Variants in SCN7A observed in about 807,000 individuals in gnomAD.
SCN7A encodes the protein sodium voltage-gated channel alpha subunit 7, also known as sodium channel protein type 7 subunit alpha.
In SCN7A, 138 loss-of-function variants were observed where a neutral mutation model predicts 155.2. The ratio of observed to expected loss-of-function variants is 0.89; its 90% CI spans 0.77 to 1.02. The LOEUF (loss-of-function observed/expected upper bound fraction) is 1.02. SCN7A is among the 50% of genes least tolerant of loss of function. The pLI, the probability that SCN7A is intolerant of heterozygous loss-of-function variation, is 0.00. For synonymous variants in SCN7A, 693 were observed against 649.0 expected (o/e 1.07, Z -1.03); for missense variants, 2,058 against 1,986.6 (o/e 1.04, Z -0.68).
In SCN7A at chr2:166,406,212, T is replaced by C. The variant is rs1331212016; in HGVS notation, c.4417A>G (p.Ile1473Val). 2 of 1,613,040 alleles carry C rather than the reference T, an allele frequency of 1.2e-6. No homozygotes were observed. The highest frequency in any genetic ancestry group is 1.7e-6 in the Non-Finnish European group (2 of 1,179,482). The change falls in exon 26 of 26, where the codon ATT (isoleucine) becomes GTT (valine). Residue 1473 changes from isoleucine (I) to valine (V), a missense_variant. By Grantham distance (29) the Ile-to-Val change is conservative. Transcript: ENST00000643258. ...RGDCGNPSVGIFYFVSYILIS... is the reference protein window; with the variant it reads ...RGDCGNPSVGVFYFVSYILIS... ...AGGATATAACTGACAAAATAAAAAATCCCAACAGAGGGGTTCCCACAATCT... is the reference window on the plus strand; with the variant it reads ...AGGATATAACTGACAAAATAAAAAACCCCAACAGAGGGGTTCCCACAATCT...
At chr2:166,439,066 T>G (rs1002130496) in intron 15 of SCN7A, among the ~76,000 whole-genome samples, 3 of 146,420 alleles carry the variant, frequency 2.0e-5, no homozygotes, top group Non-Finnish European at 4.5e-5. Flanking sequence ...TATATATATA[T>G]ATATATATAT....
Position 166,427,846 on chromosome 2 carries a change from T to G in SCN7A, c.2795A>C (p.Glu932Ala), listed in dbSNP as rs184973523. 1.8e-4 allele frequency: 295 copies of G among 1,612,442 alleles called. 2 individuals are homozygous for G. The highest frequency in any genetic ancestry group is 1.3e-3 in the Middle Eastern group (8 of 6,054). ...AATAAAACACTTAAACCAATTGTTCTCTACAATCTTGCAGCAGGTTTTCCT... is the reference window on the plus strand; with the variant it reads ...AATAAAACACTTAAACCAATTGTTCGCTACAATCTTGCAGCAGGTTTTCCT... ...NIRKTCCKIV[E>A]NNWFKCFIGL... is the part of the protein sequence containing the mutation. The change falls in exon 18 of 26, where the codon GAG becomes GCG. Residue 932 changes from glutamate to alanine, a missense_variant. Glu to Ala is a moderately radical substitution (Grantham distance 107). Coordinates refer to ENST00000643258, the MANE Select transcript of SCN7A (RefSeq NM_002976.4).
intron 10 of SCN7A, 52 bp downstream of exon 10, chr2:166,462,337 G>C: frequency 6.7e-7 from 1 of 1,501,916 alleles, no homozygotes; most frequent in South Asian, 1.3e-5. Context: ...TATCTTAGAA[G>C]CAAGGGCATG....
Position 166,432,571 on chromosome 2 carries a change from T to A in SCN7A, c.2339A>T (p.His780Leu). The A allele has an allele frequency of 2.5e-6, 4 of 1,613,416 alleles. No individual in the cohort carries two copies. Among genetic ancestry groups the A allele is most frequent in the Non-Finnish European group, 3.4e-6 (4 of 1,179,584 alleles). Residue 780 changes from histidine (H) to leucine (L), a missense_variant, in exon 16 of 26, where the codon CAT becomes CTT. By Grantham distance (99) the His-to-Leu change is moderately conservative. Transcript: ENST00000643258. ...TQNVPKDTMD[H>L]VNEVYVKEDI... ...TTCTTTAACATATACCTCATTTACA[T>A]GGTCCATTGTGTCCTTTGGGACATT...
intron 10 of SCN7A, among the ~76,000 whole-genome samples, chr2:166,457,746 A>C (rs1014545717): frequency 6.6e-6 from 1 of 152,226 alleles, no homozygotes; most frequent in African/African-American, 2.4e-5. Context: ...TTATTTCATA[A>C]TAATTTCCTA....
intron 15 of SCN7A, among the ~76,000 whole-genome samples, chr2:166,437,072 G>T (rs1701854972): frequency 6.6e-6 from 1 of 152,184 alleles, no homozygotes; most frequent in Non-Finnish European, 1.5e-5. Flanking sequence ...AAGGCAATGG[G>T]GATAATGTCT....
intron 1 of SCN7A, among the ~76,000 whole-genome samples, chr2:166,491,525 C>T (rs1683104475): frequency 1.3e-5 from 2 of 152,156 alleles, no homozygotes; most frequent in African/African-American, 4.8e-5. Flanking sequence ...AAGAGATATG[C>T]ACCAACTCAA....
rs764396163 is a variant in SCN7A, at chr2:166,406,443, C to T, written c.4186G>A (p.Val1396Ile). 3.7e-5 allele frequency: 59 copies of T among 1,612,864 alleles called. No individual in the cohort carries two copies. Among genetic ancestry groups the T allele is most frequent in the African/African-American group, 2.4e-4 (18 of 74,904 alleles). Residue 1396 changes from valine (V) to isoleucine (I), a missense_variant, in exon 26 of 26, where the codon GTA becomes ATA. Coordinates refer to ENST00000643258, the MANE Select transcript of SCN7A (RefSeq NM_002976.4). ...TAGGCAAAATTATACATTCCAAATA[C>T]GGCATAGATGAACATGACCAGGAAG... ...LIFLVMFIYAVFGMYNFAYVK... is the reference protein window; with the variant it reads ...LIFLVMFIYAIFGMYNFAYVK...
intron 20 of SCN7A, among the ~76,000 whole-genome samples, chr2:166,418,948 G>A (rs886249356): frequency 2.0e-5 from 3 of 152,108 alleles, no homozygotes; most frequent in African/African-American, 7.2e-5. Flanking sequence ...GTCTGAACCT[G>A]ACTTTGACCT....
At position 166,444,338 on chromosome 2, in the gene SCN7A, T is replaced by C. The variant is rs566973469; in HGVS notation, c.1626+424A>G. On this transcript the variant is annotated intron_variant, in intron 13 of 25. Transcript: ENST00000643258. ...AGTTCCAATCCTGGGCAAAGATACA[T>C]GGTTAGAACAGACAGGGCCAACTGC... 9.8e-5 allele frequency among the ~76,000 whole-genome samples: 15 copies of C among 152,296 alleles called. No homozygotes were observed. The East Asian group carries it at 2.7e-3, about 27-fold the overall frequency.
At chr2:166,448,298 T>C (rs1361715322) in intron 11 of SCN7A, among the ~76,000 whole-genome samples, 2 of 152,220 alleles carry the variant, frequency 1.3e-5, no homozygotes, top group South Asian at 2.1e-4. Flanking sequence ...TTATTCTTTT[T>C]AATGGCTGAA....
chr2:166,443,577 T>A lies in SCN7A; in HGVS notation c.1726A>T (p.Ile576Leu). Residue 576 changes from isoleucine to leucine, a missense_variant, in exon 14 of 26, where the codon ATA becomes TTA. Transcript: ENST00000643258. ...QVGWNIFDSM[I>L]VFHGLIELCL... ...AGTTCTATTAAACCATGGAACACTATCATGCTATCAAAAATGTTCCAACCT... is the reference window on the plus strand; with the variant it reads ...AGTTCTATTAAACCATGGAACACTAACATGCTATCAAAAATGTTCCAACCT... 6.3e-7 allele frequency: 1 copy of A among 1,589,830 alleles called. No homozygotes were observed. Among genetic ancestry groups the A allele is most frequent in the Non-Finnish European group, 8.6e-7 (1 of 1,167,310 alleles).
chr2:166,418,131 T>TTTTA (rs1051100987), intron 20 of SCN7A, among the ~76,000 whole-genome samples: 1 of 151,006 alleles, frequency 6.6e-6, no homozygotes, highest in African/African-American at 2.4e-5. Context: ...ATTTATTTTA[T>TTTTA]TTTATTTATT....
Position 166,429,265 on chromosome 2 carries a change from G to T in SCN7A, c.2602C>A (p.Gln868Lys). ...GDGGSKEKIK[Q>K]SSSSECSTVD... is the part of the protein sequence containing the mutation. ...GTACTGCATTCAGATGAGCTAGATT[G>T]CTTTATTTTCTAAAAGGTGAAGTCC... Residue 868 changes from glutamine (Q) to lysine (K), a missense_variant, in exon 17 of 26, where the codon CAA becomes AAA. Transcript: ENST00000643258. The T allele has an allele frequency of 6.6e-7, 1 of 1,525,916 alleles. No individual in the cohort carries two copies. The highest frequency in any genetic ancestry group is 8.8e-7 in the Non-Finnish European group (1 of 1,134,900). 94.5% of individuals were successfully genotyped at this position (1,525,916 alleles called of 1,614,324 possible).
intron 7 of SCN7A, among the ~76,000 whole-genome samples, chr2:166,467,591 T>C (rs968690516): frequency 6.6e-6 from 1 of 151,244 alleles, no homozygotes; most frequent in African/African-American, 2.4e-5. Context: ...GACATTTTGT[T>C]TGATGGAAAA....
At position 166,406,537 on chromosome 2, in the gene SCN7A, C is replaced by A. The variant is rs370436682; in HGVS notation, c.4092G>T (p.Lys1364Asn). 1 of 1,612,652 alleles carries A rather than the reference C, an allele frequency of 6.2e-7. No homozygotes were observed. Among genetic ancestry groups the A allele is most frequent in the East Asian group, 2.2e-5 (1 of 44,834 alleles). ...IHMLRLGKGPKVFHNLMLPLM... is the reference protein window; with the variant it reads ...IHMLRLGKGPNVFHNLMLPLM... ...AAGGAAGCATCAGATTATGAAACAC[C>A]TTTGGTCCTTTTCCAAGACGCAGCA... The change falls in exon 26 of 26, where the codon AAG becomes AAT. Residue 1364 changes from lysine to asparagine, a missense_variant. Lys to Asn is a moderately conservative substitution (Grantham distance 94, BLOSUM62 0). Transcript: ENST00000643258.
chr2:166,407,478 G>A (rs554507077), intron 25 of SCN7A, among the ~76,000 whole-genome samples: 1 of 152,038 alleles, frequency 6.6e-6, no homozygotes, highest in Non-Finnish European at 1.5e-5. Flanking sequence ...TGAATCTGGA[G>A]GAATCATGTC....
rs757102702 is a variant in SCN7A at position 166,444,942 on chromosome 2, G to A, written c.1446C>T (p.Phe482=). The change falls in exon 13 of 26, where the codon TTC becomes TTT. Residue 482 remains phenylalanine, a synonymous_variant. Coordinates refer to ENST00000643258, the MANE Select transcript of SCN7A (RefSeq NM_002976.4). ...AACAGGGAGAACAATTCCAGATCAA[G>A]AAAGTTTTAGCAAACTTATACCAGT... is the stretch of plus-strand genomic sequence containing the variant. The part of the protein sequence containing the change: ...PLYWYKFAKT[F]LIWNCSPCWL... 3 of 1,613,454 alleles carry A rather than the reference G, an allele frequency of 1.9e-6. No individual in the cohort carries two copies. The highest frequency in any genetic ancestry group is 1.7e-5 in the Admixed American group (1 of 59,960).
chr2:166,447,761 G>T, intron 11 of SCN7A, 53 bp from the exon 12 acceptor site: 1 of 1,310,332 alleles, frequency 7.6e-7, no homozygotes, highest in South Asian at 1.2e-5. Context: ...GCAGGTCCAA[G>T]ACTATAAGAA....
Sources: gnomAD v4.1 joint callset for allele counts (sites outside exome capture counted in the v4.1 genomes callset) on GRCh38, gnomAD v4.1.1 for gene constraint, MANE v1.5 for transcripts, NCBI Gene and HGNC (gene_info 2026-07-23, HGNC 2026-07-21) for gene names.